Variants in NOS2 observed in about 807,000 individuals in gnomAD.
NOS2 encodes the protein nitric oxide synthase 2, also known as nitric oxide synthase, inducible.
A neutral mutation model predicts 136.0 loss-of-function variants in NOS2; 96 were observed. The observed-to-expected ratio is 0.71, with a 90% CI of 0.60 to 0.84. The LOEUF (loss-of-function observed/expected upper bound fraction) is 0.84, where lower values mean the gene tolerates loss of function less well. NOS2 is among the 40% of genes least tolerant of loss of function. The pLI is 0.00. For missense variants in NOS2, 1,237 were observed against 1,496.9 expected (o/e 0.83, Z 2.87); for synonymous variants, 539 against 587.5 (o/e 0.92, Z 1.20).
rs141624852 is a variant in NOS2 at position 27,798,564 on chromosome 17, G to T, written c.110+136C>A. ...AGCGGCTGCATTGAATTCCAACAGG[G>T]ACTTTCAAGAAGCAATGAGGAGATC... On this transcript the variant is annotated intron_variant, in intron 2 of 26. Transcript: ENST00000313735. 2.0e-3 allele frequency: 1,321 copies of T among 650,266 alleles called. 13 individuals carry two copies. Among genetic ancestry groups the T allele is most frequent in the African/African-American group, 0.02 (1,087 of 55,172 alleles). 40.3% of individuals were successfully genotyped at this position (650,266 alleles called of 1,614,324 possible).
intron 13 of NOS2, among the ~76,000 whole-genome samples, chr17:27,772,867 C>G (rs1597549566): frequency 2.6e-5 from 4 of 152,154 alleles, no homozygotes; most frequent in African/African-American, 9.6e-5. Context: ...GACCCCGTCT[C>G]TACAAAAAAA....
intron 23 of NOS2, 142 bp downstream of exon 23, chr17:27,761,002 C>T: frequency 3.5e-6 from 3 of 862,212 alleles, no homozygotes; most frequent in Non-Finnish European, 3.5e-6. Flanking sequence ...CTGCTACAGG[C>T]AGCCACACCA....
intron 2 of NOS2, among the ~76,000 whole-genome samples, chr17:27,789,992 C>T (rs1194666088): frequency 2.6e-5 from 4 of 152,220 alleles, no homozygotes; most frequent in Admixed American, 1.3e-4. Flanking sequence ...CAAGTACAAA[C>T]GTGGCACAGG....
At chr17:27,766,154 A>T (rs2151326406) in intron 19 of NOS2, among the ~76,000 whole-genome samples, 1 of 152,356 alleles carries the variant, frequency 6.6e-6, no homozygotes, top group East Asian at 1.9e-4. Flanking sequence ...TCTTTCCCAG[A>T]GCTGGGAAAT....
At position 27,760,178 on chromosome 17, in the gene NOS2, C is replaced by G. The variant is rs1364170844; in HGVS notation, c.3011G>C (p.Gly1004Ala). ...QQRLHDSQHK[G>A]VRGGRMTLVF... ...CAAGGTCATGCGGCCTCCCCGCACTCCTGCAGGAGTCCCGGGCTGTTGTTA... is the reference window on the plus strand; with the variant it reads ...CAAGGTCATGCGGCCTCCCCGCACTGCTGCAGGAGTCCCGGGCTGTTGTTA... Residue 1004 changes from glycine to alanine, a missense_variant and splice_region_variant, in exon 25 of 27, where the codon GGA becomes GCA. Gly to Ala is a moderately conservative substitution (Grantham distance 60). Around this residue, in one of 3 missense-constraint regions of NOS2, gnomAD observed 782 missense variants for 909.9 expected, o/e 0.86. Coordinates refer to ENST00000313735, the MANE Select transcript of NOS2 (RefSeq NM_000625.4). 4 of 1,559,854 alleles carry G rather than the reference C, an allele frequency of 2.6e-6. No homozygotes were observed. The highest frequency in any genetic ancestry group is 3.5e-6 in the Non-Finnish European group (4 of 1,154,894).
rs575202295 is a variant in NOS2 at position 27,788,924 on chromosome 17, G to A, written c.203C>T (p.Pro68Leu). Residue 68 changes from proline to leucine, a missense_variant, in exon 4 of 27, where the codon CCA (proline) becomes CTA (leucine). This residue lies in a region of NOS2 where 440 missense variants were observed against 545.4 expected (regional missense o/e 0.81). Coordinates refer to ENST00000313735, the MANE Select transcript of NOS2 (RefSeq NM_000625.4). ...TGCATCCAGCTTGACCAGAGATTCT[G>A]GAGACTTCTGCAAGGGGAAAAAACA... ...QPLVETGKKS[P>L]ESLVKLDATP... 7.4e-6 allele frequency: 12 copies of A among 1,613,692 alleles called. No individual in the cohort carries two copies. The highest frequency in any genetic ancestry group is 1.0e-5 in the Non-Finnish European group (12 of 1,179,816).
intron 17 of NOS2, among the ~76,000 whole-genome samples, chr17:27,768,099 G>T (rs1908367797): frequency 1.3e-5 from 2 of 152,136 alleles, no homozygotes; most frequent in African/African-American, 4.8e-5. Flanking sequence ...GCCCAGGCTG[G>T]AGTACAGTGG....
intron 26 of NOS2, among the ~76,000 whole-genome samples, chr17:27,757,886 C>T (rs970673735): frequency 2.0e-5 from 3 of 152,192 alleles, no homozygotes; most frequent in African/African-American, 4.8e-5. Context: ...CTCCCACCCC[C>T]GGGGCCTTTG....
intron 17 of NOS2, 67 bp downstream of exon 17, chr17:27,768,910 A>G: frequency 1.4e-6 from 2 of 1,471,774 alleles, no homozygotes; most frequent in Non-Finnish European, 1.8e-6. Flanking sequence ...CGCCCAGCAC[A>G]GATGTCCTAG....
At chr17:27,767,629 G>A in intron 18 of NOS2, 76 bp downstream of exon 18, 1 of 1,531,582 alleles carries the variant, frequency 6.5e-7, no homozygotes, top group Non-Finnish European at 8.8e-7. Context: ...GAAAGACCTG[G>A]GGGTCTCCTT....
intron 1 of NOS2, among the ~76,000 whole-genome samples, chr17:27,799,620 G>A (rs1429894162): frequency 6.6e-6 from 1 of 152,190 alleles, no homozygotes; most frequent in Non-Finnish European, 1.5e-5. Flanking sequence ...GAGGCAGGAG[G>A]ATCGCTTGAG....
rs575742142 is a variant in NOS2 at position 27,762,814 on chromosome 17, G to A, written c.2784C>T (p.Val928=). Residue 928 remains valine (V), a synonymous_variant, in exon 22 of 27, where the codon GTC becomes GTT. Coordinates refer to ENST00000313735, the MANE Select transcript of NOS2 (RefSeq NM_000625.4). ...CTGGCTCACCTCGGGTGTGGTAGGT[G>A]ACCACGGCCACAGTCAGGTGGATCT... is the stretch of plus-strand genomic sequence containing the variant. ...PTEIHLTVAV[V]TYHTRDGQGP... is the part of the protein sequence containing the mutation. 3.1e-5 allele frequency: 48 copies of A among 1,552,490 alleles called. No individual in the cohort carries two copies. The East Asian group carries it at 1.2e-3, about 37-fold the overall frequency.
chr17:27,761,843 C>G (rs1391542032), intron 22 of NOS2, among the ~76,000 whole-genome samples: 1 of 152,158 alleles, frequency 6.6e-6, no homozygotes, highest in East Asian at 1.9e-4. Context: ...GGCCTCCAAC[C>G]AACTGCAGAG....
intron 5 of NOS2, among the ~76,000 whole-genome samples, chr17:27,783,872 G>A (rs947799603): frequency 2.0e-5 from 3 of 152,188 alleles, no homozygotes; most frequent in African/African-American, 7.2e-5. Flanking sequence ...GCCCAAAGAT[G>A]TTGAGGGCCT....
At chr17:27,769,175 C>T (rs752566124) in intron 16 of NOS2, 24 bp from the exon 17 acceptor site, 4 of 1,585,740 alleles carry the variant, frequency 2.5e-6, no homozygotes, top group African/African-American at 1.3e-5. Flanking sequence ...CACACAGAGA[C>T]ACATGTCCCA....
intron 2 of NOS2, among the ~76,000 whole-genome samples, chr17:27,792,921 T>C (rs1200767786): frequency 7.0e-6 from 1 of 142,480 alleles, no homozygotes; most frequent in Admixed American, 7.2e-5. Flanking sequence ...GCCCTGGAGG[T>C]GGAGGCTACG....
chr17:27,774,136 C>CT (rs1908587262), intron 12 of NOS2, 121 bp downstream of exon 12: 2 of 683,256 alleles, frequency 2.9e-6, no homozygotes, highest in Non-Finnish European at 4.3e-6. Flanking sequence ...CTGGAAAGCT[C>CT]TAACAACATA....
chr17:27,782,877 T>G (rs1597554985), intron 6 of NOS2, 67 bp downstream of exon 6: 6 of 1,513,782 alleles, frequency 4.0e-6, no homozygotes, highest in Non-Finnish European at 9.1e-7. Flanking sequence ...TGTGTGGCTG[T>G]TCCAAGCCAT....
chr17:27,758,944 C>T lies in NOS2; in HGVS notation c.3291G>A (p.Gln1097=), dbSNP rs750641734. Residue 1097 remains glutamine, a synonymous_variant, in exon 26 of 27, where the codon CAG becomes CAA. Transcript: ENST00000313735. The part of the protein sequence containing the change: ...MARDVAHTLK[Q]LVAAKLKLNE... ...TCAATTTCAGCTTGGCAGCCACCAG[C>T]TGCTTCAGGGTGTGGGCCACGTCCC... The T allele has an allele frequency of 1.1e-5, 18 of 1,612,068 alleles. No homozygotes were observed. The highest frequency in any genetic ancestry group is 5.3e-5 in the African/African-American group (4 of 74,964).
Sources: gnomAD v4.1 joint callset for allele counts (sites outside exome capture counted in the v4.1 genomes callset) on GRCh38, gnomAD v4.1.1 for gene constraint, gnomAD v4.1.1 regional missense constraint, MANE v1.5 for transcripts, NCBI Gene and HGNC (gene_info 2026-07-23, HGNC 2026-07-21) for gene names.